The following UGT2B4 variants were observed in gnomAD, a reference collection of about 807,000 sequenced individuals.
The protein encoded by UGT2B4 is UDP glucuronosyltransferase family 2 member B4, also known as UDP-glucuronosyltransferase 2B4.
Under a neutral mutation model 49.8 loss-of-function variants are expected in UGT2B4, and 49 were observed. The observed-to-expected ratio is 0.98, with a 90% confidence interval of 0.78 to 1.25. The LOEUF is 1.25. Ranked by LOEUF, UGT2B4 falls within the 50% of genes most tolerant of loss-of-function variation. UGT2B4 has a pLI of 0.00. For missense variants in UGT2B4, 729 were observed against 627.7 expected, an observed-to-expected ratio of 1.16 and a Z score of -1.73; for synonymous variants, 246 against 217.7, an observed-to-expected ratio of 1.13 and a Z score of -1.14.
chr4:69,480,483 G>A lies in UGT2B4; in HGVS notation c.*151C>T. 2 of 1,194,264 alleles carry A rather than the reference G, an allele frequency of 1.7e-6. No homozygotes were observed. Among genetic ancestry groups the A allele is most frequent in the Non-Finnish European group, 1.2e-6 (1 of 865,132 alleles). The allele number at this position is 1,194,264 out of a possible 1,614,324, so 74.0% of individuals were successfully genotyped here. A position where few individuals can be genotyped will look rare whatever the true frequency, so the allele number is the denominator to read the frequency against. On this transcript the variant is annotated 3_prime_UTR_variant, in exon 6 of 6. Transcript: ENST00000305107. ...TGAAATATTTCTAATGGTTAAACAG[G>A]TACTAAAACAAATTTTGACTTGACA...
chr4:69,484,089 AAGGCTACAATGAG>A (rs1298300660), intron 5 of UGT2B4, among the ~76,000 whole-genome samples: 1 of 152,214 alleles, frequency 6.6e-6, no homozygotes, highest in Non-Finnish European at 1.5e-5. Context: ...AATGCAATCC[AAGGCTACAATGAG>A]AGGTCTTTTT....
intron 2 of UGT2B4, among the ~76,000 whole-genome samples, chr4:69,490,418 C>T (rs941975640): frequency 6.6e-6 from 1 of 152,058 alleles, no homozygotes; most frequent in Non-Finnish European, 1.5e-5. Flanking sequence ...GTCTCAGAGG[C>T]AGCAGCACTT....
chr4:69,493,115 T>C (rs1263932545), intron 2 of UGT2B4, among the ~76,000 whole-genome samples: 1 of 152,078 alleles, frequency 6.6e-6, no homozygotes, highest in South Asian at 2.1e-4. Context: ...TTGAGAACTG[T>C]CCTGAACACT....
At chr4:69,487,688 C>T (rs1727835477) in intron 3 of UGT2B4, among the ~76,000 whole-genome samples, 1 of 151,940 alleles carries the variant, frequency 6.6e-6, no homozygotes, top group South Asian at 2.1e-4. Context: ...ACAACAAACC[C>T]CAAGACATAA....
Position 69,495,327 on chromosome 4 carries a change from C to T in UGT2B4, c.535G>A (p.Ala179Thr), listed in dbSNP as rs775741451. The change falls in exon 1 of 6, where the codon GCA (alanine) becomes ACA (threonine). Residue 179 changes from alanine to threonine, a missense_variant. Physicochemically the swap from Ala to Thr is moderately conservative, Grantham distance 58. Coordinates refer to ENST00000305107, the MANE Select transcript of UGT2B4 (RefSeq NM_021139.3). The part of the protein sequence containing the change: ...VYSLRFSPGY[A>T]IEKHSGGLLF... ...AGTCCTCCACTATGCTTTTCAATTG[C>T]GTAGCCAGGAGAGAAGCGGAGGCTG... 1.7e-5 allele frequency: 27 copies of T among 1,612,510 alleles called. No individual in the cohort carries two copies. Among genetic ancestry groups the T allele is most frequent in the African/African-American group, 1.5e-4 (11 of 74,820 alleles).
In UGT2B4 at chr4:69,480,844, T is replaced by C; in HGVS notation, c.1377A>G (p.Arg459=). 7 of 1,613,884 alleles carry C rather than the reference T, an allele frequency of 4.3e-6. No individual in the cohort carries two copies. In the South Asian group the frequency reaches 7.7e-5, roughly 18 times the overall value. ...HHDQPVKPLD[R]AVFWIEFVMR... ...TGACAAATTCAATCCAGAAGACTGC[T>C]CGATCAAGGGGCTTCACTGGTTGAT... The change falls in exon 6 of 6, where the codon CGA becomes CGG. Residue 459 remains arginine (R), a synonymous_variant. Coordinates refer to ENST00000305107, the MANE Select transcript of UGT2B4 (RefSeq NM_021139.3).
chr4:69,496,200 T>C (rs907448154), upstream of UGT2B4, among the ~76,000 whole-genome samples: 26 of 151,262 alleles, frequency 1.7e-4, no homozygotes, highest in African/African-American at 5.6e-4. Flanking sequence ...AATTTTTCTG[T>C]ATTTTTAGTA....
chr4:69,493,822 A>T lies in UGT2B4; in HGVS notation c.741T>A (p.Ser247=). The change falls in exon 2 of 6, where the codon TCT becomes TCA. Residue 247 remains serine, a synonymous_variant. Transcript: ENST00000305107. The part of the protein sequence containing the change: ...SEVLGRPTTL[S]ETMAKADIWL... ...ATATGTCAGCTTTTGCCATTGTCTC[A>T]GATAACGTAGTGGGTCTTCCTGATG... The T allele has an allele frequency of 6.2e-7, 1 of 1,603,266 alleles. No individual in the cohort carries two copies. The highest frequency in any genetic ancestry group is 8.5e-7 in the Non-Finnish European group (1 of 1,175,698).
Position 69,491,356 on chromosome 4 carries a change from T to C in UGT2B4, c.871-1786A>G, listed in dbSNP as rs188098706. On this transcript the variant is annotated intron_variant, in intron 2 of 5. Coordinates refer to ENST00000305107, the MANE Select transcript of UGT2B4 (RefSeq NM_021139.3). ...ATTTCAGATGTTTGATTACTTTTGA[T>C]GTTTATTTTATGAATATTTTCCATA... 2.7e-3 allele frequency among the ~76,000 whole-genome samples: 404 copies of C among 152,216 alleles called. 1 individual carries two copies. The highest frequency in any genetic ancestry group is 9.3e-3 in the African/African-American group (387 of 41,556).
At chr4:69,515,038 C>G (rs1728696661) in intron 1 of UGT2B4, among the ~76,000 whole-genome samples, 1 of 152,102 alleles carries the variant, frequency 6.6e-6, no homozygotes, top group African/African-American at 2.4e-5. Flanking sequence ...TGTTAGAGAC[C>G]TACAGAGAGT....
In UGT2B4 at chr4:69,493,859, A is replaced by AC. The variant is rs1407677710; in HGVS notation, c.722-19_722-18insG. 1.9e-6 allele frequency: 3 copies of AC among 1,582,100 alleles called. No homozygotes were observed. The highest frequency in any genetic ancestry group is 2.6e-6 in the Non-Finnish European group (3 of 1,170,064). On this transcript the variant is annotated intron_variant, in intron 1 of 5. Coordinates refer to ENST00000305107, the MANE Select transcript of UGT2B4 (RefSeq NM_021139.3). ...GGGTCTTCCTGATGGGGGAAAAAAAAAGAAAAGATAGATGACACAAGATAA... is the reference window on the plus strand; with the variant it reads ...GGGTCTTCCTGATGGGGGAAAAAAAACAGAAAAGATAGATGACACAAGATAA...
intron 1 of UGT2B4, among the ~76,000 whole-genome samples, chr4:69,522,473 A>G (rs1350038055): frequency 6.6e-6 from 1 of 152,240 alleles, no homozygotes; most frequent in African/African-American, 2.4e-5. Flanking sequence ...CCCAGTACAT[A>G]TAAAAGTTAT....
At chr4:69,490,127 C>T (rs968721402) in intron 2 of UGT2B4, among the ~76,000 whole-genome samples, 7 of 151,776 alleles carry the variant, frequency 4.6e-5, no homozygotes, top group African/African-American at 1.7e-4. Context: ...GTTTTCCAGT[C>T]TTTTTTCAAA....
At chr4:69,500,058 T>C (rs745860928), upstream of UGT2B4, among the ~76,000 whole-genome samples, 1 of 152,212 alleles carries the variant, frequency 6.6e-6, no homozygotes, top group Non-Finnish European at 1.5e-5. Context: ...TGGAATACTA[T>C]GAAGACATAA....
chr4:69,492,860 A>C (rs1728031810), intron 2 of UGT2B4, among the ~76,000 whole-genome samples: 1 of 152,092 alleles, frequency 6.6e-6, no homozygotes, highest in Admixed American at 6.6e-5. Flanking sequence ...GAATTCATAC[A>C]AAATTTCCTC....
chr4:69,511,603 G>A (rs1387556691), intron 1 of UGT2B4, among the ~76,000 whole-genome samples: 1 of 151,996 alleles, frequency 6.6e-6, no homozygotes, highest in African/African-American at 2.4e-5. Context: ...ATATTGGACT[G>A]TTTTTTATCT....
rs774609839 is a variant in UGT2B4 at position 69,489,588 on chromosome 4, T to G, written c.871-18A>C. The G allele has an allele frequency of 6.3e-7, 1 of 1,599,022 alleles. No individual in the cohort carries two copies. The highest frequency in any genetic ancestry group is 2.2e-5 in the East Asian group (1 of 44,588). Reference sequence around the variant, plus strand: ...TCCATTTCCTGTGAAAAAAAAGAATTTGTTCTATCATAATAGATTATCAGC... The same window carrying G: ...TCCATTTCCTGTGAAAAAAAAGAATGTGTTCTATCATAATAGATTATCAGC... On this transcript the variant is annotated intron_variant, in intron 2 of 5. Transcript: ENST00000305107.
chr4:69,488,999 A>G (rs918559674), intron 3 of UGT2B4, among the ~76,000 whole-genome samples: 10 of 152,150 alleles, frequency 6.6e-5, no homozygotes, highest in Non-Finnish European at 1.5e-4. Context: ...TGCATGATGC[A>G]TGTCAGCCTT....
chr4:69,480,943 A>G, intron 5 of UGT2B4, 33 bp from the exon 6 acceptor site: 2 of 1,604,410 alleles, frequency 1.2e-6, no homozygotes, highest in African/African-American at 2.7e-5. Context: ...TCAACATTGA[A>G]AGTAAGTTAA....
Sources: gnomAD v4.1 joint callset for allele counts (sites outside exome capture counted in the v4.1 genomes callset) on GRCh38, gnomAD v4.1.1 for gene constraint, MANE v1.5 for transcripts, NCBI Gene and HGNC (gene_info 2026-07-23, HGNC 2026-07-21) for gene names.